CSMD1: variants seen among roughly 807,000 people sequenced by gnomAD.
CSMD1 encodes the protein CUB and Sushi multiple domains 1.
In CSMD1, 213 loss-of-function variants were observed where a neutral mutation model predicts 417.5. The ratio of observed to expected loss-of-function variants is 0.51; its 90% CI spans 0.46 to 0.57. CSMD1 has a LOEUF of 0.57. Among genes scored for constraint, CSMD1 ranks in the 20% least tolerant of loss-of-function variants. The pLI is 0.00. For synonymous variants in CSMD1, 2,862 were observed against 1,736.8 expected, an observed-to-expected ratio of 1.65 and a Z score of -16.11; for missense variants, 6,923 against 4,529.7, an observed-to-expected ratio of 1.53 and a Z score of -15.17.
intron 12 of CSMD1, among the ~76,000 whole-genome samples, chr8:3,416,242 G>T (rs1008200523): frequency 7.1e-6 from 1 of 141,150 alleles, no homozygotes; most frequent in African/African-American, 2.6e-5. Flanking sequence ...GCTGGAGCTT[G>T]CAGTGAACCG....
chr8:4,044,711 T>C (rs1452246608), intron 3 of CSMD1, among the ~76,000 whole-genome samples: 3 of 28,400 alleles, frequency 1.1e-4, no homozygotes, highest in African/African-American at 2.5e-4. Flanking sequence ...CAACCCTGGA[T>C]GCATAGCACC....
At chr8:4,527,858 C>G (rs752414275) in intron 2 of CSMD1, among the ~76,000 whole-genome samples, 1 of 152,156 alleles carries the variant, frequency 6.6e-6, no homozygotes, top group Non-Finnish European at 1.5e-5. Context: ...AATGGAATGA[C>G]GTCTTAGTTC....
intron 57 of CSMD1, among the ~76,000 whole-genome samples, chr8:2,968,344 G>C (rs533130903): frequency 6.6e-6 from 1 of 152,246 alleles, no homozygotes; most frequent in East Asian, 1.9e-4. Flanking sequence ...TTGTTACATT[G>C]TATTCTAATT....
At chr8:4,589,127 G>T (rs1174652120) in intron 2 of CSMD1, among the ~76,000 whole-genome samples, 2 of 151,988 alleles carry the variant, frequency 1.3e-5, no homozygotes. Context: ...TTCAAAAAGA[G>T]AAACTAGAAT....
chr8:4,368,662 C>G, intron 3 of CSMD1, among the ~76,000 whole-genome samples: 1 of 152,038 alleles, frequency 6.6e-6, no homozygotes, highest in Admixed American at 6.6e-5. Flanking sequence ...TTGGTCTGTT[C>G]AGGATTTTAA....
intron 3 of CSMD1, among the ~76,000 whole-genome samples, chr8:4,130,505 C>G (rs921253168): frequency 1.3e-5 from 2 of 152,088 alleles, no homozygotes; most frequent in African/African-American, 4.8e-5. Flanking sequence ...TGATTTGATT[C>G]TTGGCTTTCT....
chr8:4,175,121 C>T (rs1797971773), intron 3 of CSMD1, among the ~76,000 whole-genome samples: 1 of 151,930 alleles, frequency 6.6e-6, no homozygotes, highest in African/African-American at 2.4e-5. Context: ...ATAATAATAT[C>T]TGAGGAATAG....
At chr8:3,468,032 G>A (rs901661088) in intron 12 of CSMD1, among the ~76,000 whole-genome samples, 4 of 152,046 alleles carry the variant, frequency 2.6e-5, no homozygotes, top group Non-Finnish European at 5.9e-5. Flanking sequence ...TACCAATGAA[G>A]GAACCAATAA....
chr8:4,589,907 T>C (rs991703539), intron 2 of CSMD1, among the ~76,000 whole-genome samples: 6 of 152,172 alleles, frequency 3.9e-5, no homozygotes, highest in Non-Finnish European at 5.9e-5. Flanking sequence ...TCTGACACCA[T>C]AGAATATGTG....
At chr8:3,429,139 T>G (rs77730182) in intron 12 of CSMD1, among the ~76,000 whole-genome samples, 1 of 152,136 alleles carries the variant, frequency 6.6e-6, no homozygotes, top group East Asian at 1.9e-4. Flanking sequence ...TGATTACACT[T>G]AACAATATTG....
intron 10 of CSMD1, among the ~76,000 whole-genome samples, chr8:3,545,950 C>A (rs184757729): frequency 6.6e-6 from 1 of 152,120 alleles, no homozygotes; most frequent in Non-Finnish European, 1.5e-5. Flanking sequence ...GTGGGAGAAA[C>A]TGGAAAGGTT....
At chr8:4,436,342 C>T (rs1234670239) in intron 2 of CSMD1, among the ~76,000 whole-genome samples, 4 of 152,206 alleles carry the variant, frequency 2.6e-5, no homozygotes, top group African/African-American at 9.6e-5. Flanking sequence ...TCAATCTCTC[C>T]TTCTTGTGGA....
chr8:3,963,876 T>A (rs1585042766), intron 5 of CSMD1, among the ~76,000 whole-genome samples: 1 of 152,330 alleles, frequency 6.6e-6, no homozygotes, highest in Middle Eastern at 3.4e-3. Context: ...GGTATAGATG[T>A]TAACTGACAC....
intron 5 of CSMD1, among the ~76,000 whole-genome samples, chr8:3,964,579 T>C (rs1812548487): frequency 6.6e-6 from 1 of 152,206 alleles, no homozygotes; most frequent in East Asian, 1.9e-4. Flanking sequence ...TGCAGGTTAA[T>C]TCTCTGATCC....
At chr8:2,993,285 T>G (rs1806563409) in intron 54 of CSMD1, among the ~76,000 whole-genome samples, 2 of 152,234 alleles carry the variant, frequency 1.3e-5, no homozygotes, top group African/African-American at 4.8e-5. Context: ...AACAAATGGG[T>G]GTGGATTGCC....
At chr8:4,331,930 G>A (rs548883890) in intron 3 of CSMD1, among the ~76,000 whole-genome samples, 44 of 152,222 alleles carry the variant, frequency 2.9e-4, no homozygotes, top group African/African-American at 1.0e-3. Flanking sequence ...TTTTTTTACA[G>A]TCTCCATGAC....
At chr8:2,951,472 G>A (rs1244836900) in intron 65 of CSMD1, among the ~76,000 whole-genome samples, 197 bp from the exon 66 acceptor site, 1 of 152,126 alleles carries the variant, frequency 6.6e-6, no homozygotes, top group Non-Finnish European at 1.5e-5. Flanking sequence ...GATTATTATG[G>A]TATGCAAGTA....
At chr8:3,695,977 T>G (rs899137856) in intron 7 of CSMD1, among the ~76,000 whole-genome samples, 5 of 152,220 alleles carry the variant, frequency 3.3e-5, no homozygotes, top group African/African-American at 1.2e-4. Context: ...AGATATGGGA[T>G]AGTTTTTTCC....
intron 1 of CSMD1, among the ~76,000 whole-genome samples, chr8:4,749,091 T>A (rs186360590): frequency 5.3e-5 from 8 of 152,376 alleles, no homozygotes; most frequent in Admixed American, 2.6e-4. Context: ...CGCCTGCCCA[T>A]GCAGTCTCCA....
Sources: gnomAD v4.1 joint callset for allele counts (sites outside exome capture counted in the v4.1 genomes callset) on GRCh38, gnomAD v4.1.1 for gene constraint, MANE v1.5 for transcripts, NCBI Gene and HGNC (gene_info 2026-07-23, HGNC 2026-07-21) for gene names.